USPL1: variants seen among roughly 807,000 people sequenced by gnomAD.
The protein encoded by USPL1 is SUMO-specific isopeptidase USPL1.
In USPL1, 27 loss-of-function variants were observed where a neutral mutation model predicts 51.5. That is an observed-to-expected ratio of 0.52 (90% CI 0.39 to 0.72). The LOEUF is 0.72. Ranked by LOEUF, USPL1 falls within the 30% of genes least tolerant of loss-of-function variation. The probability of loss-of-function intolerance (pLI) is 0.00; values close to 1 mark genes in which losing one functional copy is unlikely to be tolerated. For missense variants in USPL1, 1,226 were observed against 1,268.0 expected (o/e 0.97, Z 0.50); for synonymous variants, 451 against 459.6 (o/e 0.98, Z 0.24).
chr13:30,636,317 A>G (rs1950875060), intron 4 of USPL1, among the ~76,000 whole-genome samples: 1 of 151,912 alleles, frequency 6.6e-6, no homozygotes, highest in Admixed American at 6.6e-5. Flanking sequence ...CTGGTTAATT[A>G]TATGTTTGAG....
chr13:30,636,656 T>C (rs1337906255), intron 4 of USPL1, among the ~76,000 whole-genome samples: 1 of 152,232 alleles, frequency 6.6e-6, no homozygotes, highest in Non-Finnish European at 1.5e-5. Context: ...TAGATATGTG[T>C]GCCCAAAGGT....
intron 4 of USPL1, 30 bp from the exon 5 acceptor site, chr13:30,637,714 G>A (rs1388202948): frequency 1.2e-5 from 18 of 1,507,180 alleles, no homozygotes; most frequent in Non-Finnish European, 1.6e-5. Context: ...CATTGATGAG[G>A]AATTGATAAT....
intron 6 of USPL1, among the ~76,000 whole-genome samples, chr13:30,646,126 T>TG (rs1951014750): frequency 6.6e-6 from 1 of 152,250 alleles, no homozygotes; most frequent in Non-Finnish European, 1.5e-5. Flanking sequence ...TCACAAGATT[T>TG]ATAAGTATTT....
Position 30,637,865 on chromosome 13 carries a change from A to G in USPL1, c.982+8A>G, listed in dbSNP as rs1409683035. ...AGCTTAGATGCACATTAGGTAAGTAATTGGTAAAACTTACTTGTATTATAC... is the reference window on the plus strand; with the variant it reads ...AGCTTAGATGCACATTAGGTAAGTAGTTGGTAAAACTTACTTGTATTATAC... On this transcript the variant is annotated splice_region_variant and intron_variant, in intron 5 of 8. Coordinates refer to ENST00000255304, the MANE Select transcript of USPL1 (RefSeq NM_005800.5). 2 of 1,594,782 alleles carry G rather than the reference A, an allele frequency of 1.3e-6. No individual in the cohort carries two copies. Among genetic ancestry groups the G allele is most frequent in the East Asian group, 4.5e-5 (2 of 44,678 alleles).
Position 30,631,182 on chromosome 13 carries a change from T to A in USPL1, c.576T>A (p.Asp192Glu), listed in dbSNP as rs767826815. The change falls in exon 4 of 9, where the codon GAT becomes GAA. Residue 192 changes from aspartate to glutamate, a missense_variant. By Grantham distance (45) the Asp-to-Glu change is conservative (BLOSUM62 2). Transcript: ENST00000255304. ...CTACAAAAGATCCTGCTACAGTTGA[T>A]GTCTCTGGAACTGGCAGACCTTCCC... is the stretch of plus-strand genomic sequence containing the variant. ...MATTKDPATV[D>E]VSGTGRPSPQ... 3 of 1,614,204 alleles carry A rather than the reference T, an allele frequency of 1.9e-6. No individual in the cohort carries two copies. The highest frequency in any genetic ancestry group is 2.2e-5 in the South Asian group (2 of 91,088).
chr13:30,643,583 T>C (rs111691213), intron 6 of USPL1, among the ~76,000 whole-genome samples: 1,556 of 142,002 alleles, frequency 0.011, 13 homozygotes, highest in Middle Eastern at 0.064. Flanking sequence ...ATTATTACAA[T>C]AGAAATAACT....
intron 5 of USPL1, among the ~76,000 whole-genome samples, chr13:30,641,674 A>G (rs1950949140): frequency 6.6e-6 from 1 of 151,984 alleles, no homozygotes; most frequent in Non-Finnish European, 1.5e-5. Context: ...AATGACAACA[A>G]GATTCAAATC....
At chr13:30,622,961 TAAAAC>T (rs1950663760) in intron 3 of USPL1, among the ~76,000 whole-genome samples, 1 of 152,050 alleles carries the variant, frequency 6.6e-6, no homozygotes, top group Non-Finnish European at 1.5e-5. Context: ...GATACAATAA[TAAAAC>T]AAAAATTTCT....
rs1414223134 is a variant in USPL1, at chr13:30,657,589, G to A, written c.1512G>A (p.Val504=). Reference sequence around the variant, plus strand: ...TTTGGGAAAGAAAAATATCCCAAGTGACAGATAAAGAAGCTGCCTGCCTTC... The same window carrying A: ...TTTGGGAAAGAAAAATATCCCAAGTAACAGATAAAGAAGCTGCCTGCCTTC... The part of the protein sequence containing the change: ...IVIWERKISQ[V]TDKEAACLPL... Residue 504 remains valine (V), a synonymous_variant, in exon 9 of 9, where the codon GTG becomes GTA. Transcript: ENST00000255304. 3.1e-6 allele frequency: 5 copies of A among 1,614,062 alleles called. No individual in the cohort carries two copies. The African/African-American group carries it at 6.7e-5, about 22-fold the overall frequency.
At position 30,621,218 on chromosome 13, in the gene USPL1, C is replaced by T. The variant is rs571002845; in HGVS notation, c.78C>T (p.His26=). ...PGTDIGISSL[H]MVGYLGKNFD... Reference sequence around the variant, plus strand: ...CTGATATAGGGATATCTTCACTCCACATGGTGGGGTATTTGGGAAAAGTTA... The same window carrying T: ...CTGATATAGGGATATCTTCACTCCATATGGTGGGGTATTTGGGAAAAGTTA... Residue 26 remains histidine (H), a synonymous_variant, in exon 2 of 9, where the codon CAC becomes CAT. Transcript: ENST00000255304. 6 of 1,594,126 alleles carry T rather than the reference C, an allele frequency of 3.8e-6. No homozygotes were observed. In the African/African-American group the frequency reaches 8.1e-5, roughly 22 times the overall value.
chr13:30,624,117 C>T (rs1950679389), intron 3 of USPL1, among the ~76,000 whole-genome samples: 1 of 152,096 alleles, frequency 6.6e-6, no homozygotes, highest in African/African-American at 2.4e-5. Context: ...ACTGAGCCCT[C>T]AACCTGTAGG....
rs143139434 is a variant in USPL1, at chr13:30,658,795, T to C, written c.2718T>C (p.Leu906=). 8.1e-5 allele frequency: 130 copies of C among 1,613,954 alleles called. 1 individual carries two copies. Among genetic ancestry groups the C allele is most frequent in the Non-Finnish European group, 1.0e-4 (122 of 1,180,050 alleles). The change falls in exon 9 of 9, where the codon CTT becomes CTC. Residue 906 remains leucine, a synonymous_variant. Coordinates refer to ENST00000255304, the MANE Select transcript of USPL1 (RefSeq NM_005800.5). ...LKAEKKKLAA[L]MSSPQSRTVR... is the part of the protein sequence containing the mutation. The stretch of plus-strand genomic sequence containing the variant: ...CAGAAAAGAAGAAATTAGCTGCTCT[T>C]ATGTCTTCCCCGCAAAGCAGAACAG...
chr13:30,643,872 A>G (rs1950982520), intron 6 of USPL1, among the ~76,000 whole-genome samples: 1 of 151,234 alleles, frequency 6.6e-6, no homozygotes, highest in Non-Finnish European at 1.5e-5. Flanking sequence ...AGCCTCCCAC[A>G]GTGCTGGGAT....
At chr13:30,629,310 C>T (rs1043774724) in intron 3 of USPL1, among the ~76,000 whole-genome samples, 2 of 152,044 alleles carry the variant, frequency 1.3e-5, no homozygotes, top group Non-Finnish European at 2.9e-5. Context: ...TTGAGAGCAG[C>T]CTGGGCAACG....
intron 7 of USPL1, among the ~76,000 whole-genome samples, chr13:30,651,583 T>C (rs1209914730): frequency 3.9e-5 from 6 of 152,258 alleles, no homozygotes; most frequent in Non-Finnish European, 8.8e-5. Context: ...AGATTTCATA[T>C]TCTAGGGATC....
At position 30,626,056 on chromosome 13, in the gene USPL1, T is replaced by C. The variant is rs1224552508; in HGVS notation, c.228+4164T>C. 2.6e-5 allele frequency among the ~76,000 whole-genome samples: 4 copies of C among 152,346 alleles called. No homozygotes were observed. In the East Asian group the frequency reaches 7.7e-4, roughly 29 times the overall value. On this transcript the variant is annotated intron_variant, in intron 3 of 8. Coordinates refer to ENST00000255304, the MANE Select transcript of USPL1 (RefSeq NM_005800.5). ...AGGGCCAGGTGCAGTGTTTCACACC[T>C]GTAATCCCAGCACTTTGGGAGGCCA...
At chr13:30,621,735 T>G in intron 2 of USPL1, 29 bp from the exon 3 acceptor site, 1 of 1,429,850 alleles carries the variant, frequency 7.0e-7, no homozygotes, top group Non-Finnish European at 9.2e-7. Flanking sequence ...GGAATGTCTA[T>G]ATTTTAATTT....
intron 2 of USPL1, 88 bp from the exon 3 acceptor site, chr13:30,621,676 T>C: frequency 9.2e-7 from 1 of 1,085,046 alleles, no homozygotes. Context: ...AAATTATAAT[T>C]TTTTCTGGTT....
At chr13:30,653,811 G>A (rs1432200038) in intron 8 of USPL1, among the ~76,000 whole-genome samples, 1 of 152,156 alleles carries the variant, frequency 6.6e-6, no homozygotes, top group African/African-American at 2.4e-5. Context: ...GCATTTGTCT[G>A]ATATGGTAAA....
Sources: allele counts gnomAD v4.1 joint callset (sites outside exome capture counted in the v4.1 genomes callset), GRCh38; gene constraint gnomAD v4.1.1; transcripts MANE v1.5; gene names NCBI Gene and HGNC (gene_info 2026-07-23, HGNC 2026-07-21).